Variants in NGFR observed in about 807,000 individuals in gnomAD.
The protein encoded by NGFR is tumor necrosis factor receptor superfamily member 16.
Under a neutral mutation model 43.2 loss-of-function variants are expected in NGFR, and 30 were observed. That is an observed-to-expected ratio of 0.69 (90% confidence interval 0.52 to 0.94). The LOEUF (loss-of-function observed/expected upper bound fraction) is 0.94, where lower values mean the gene tolerates loss of function less well. NGFR is among the 40% of genes least tolerant of loss of function. The pLI is 0.00. For missense variants in NGFR, 529 were observed against 602.5 expected (o/e 0.88, Z 1.28); for synonymous variants, 246 against 259.6 (o/e 0.95, Z 0.50).
At position 49,495,413 on chromosome 17, in the gene NGFR, G is replaced by T; in HGVS notation, c.-5G>T. The T allele has an allele frequency of 8.1e-7, 1 of 1,234,668 alleles. No homozygotes were observed. The allele number at this position is 1,234,668 out of a possible 1,614,324, so 76.5% of individuals were successfully genotyped here. A position where few individuals can be genotyped will look rare whatever the true frequency, so the allele number is the denominator to read the frequency against. The stretch of plus-strand genomic sequence containing the variant: ...GAAGTCGAGCGCTGCCGCGGGAGGC[G>T]GGCGATGGGGGCAGGTGCCACCGGC... On this transcript the variant is annotated 5_prime_UTR_variant, in exon 1 of 6. Transcript: ENST00000172229. The surrounding 1 kb of genome is among the most constrained non-coding windows in gnomAD (Gnocchi z 6.4).
At chr17:49,504,829 T>G (rs545981631) in intron 2 of NGFR, among the ~76,000 whole-genome samples, 4 of 145,180 alleles carry the variant, frequency 2.8e-5, no homozygotes, top group Non-Finnish European at 6.0e-5. Flanking sequence ...TGGAGTGCAC[T>G]GGTGCAGTCT....
At chr17:49,504,916 CG>C (rs1241566982) in intron 2 of NGFR, among the ~76,000 whole-genome samples, 1 of 151,876 alleles carries the variant, frequency 6.6e-6, no homozygotes, top group Non-Finnish European at 1.5e-5. Flanking sequence ...GGATTACAGA[CG>C]TGCACCACTA....
chr17:49,502,000 A>ACGCC, intron 1 of NGFR, 63 bp from the exon 2 acceptor site: 1 of 264,886 alleles, frequency 3.8e-6, no homozygotes, highest in Non-Finnish European at 7.9e-6. Flanking sequence ...CCCCGGAAGA[A>ACGCC]CCCCCCCCAA....
At chr17:49,502,039 A>G in intron 1 of NGFR, 24 bp from the exon 2 acceptor site, 1 of 946,734 alleles carries the variant, frequency 1.1e-6, no homozygotes, top group East Asian at 7.6e-5. Flanking sequence ...TGCCAGTCTG[A>G]CCCTCCGATC....
Position 49,506,675 on chromosome 17 carries a change from G to C in NGFR, c.568+17G>C. On this transcript the variant is annotated intron_variant, in intron 3 of 5. Transcript: ENST00000172229. Reference sequence around the variant, plus strand: ...AGTGCGAGGGTGAGTGCGGTTCGGGGGGCGGGGGGAGTGGGGGTGCGGGGG... The same window carrying C: ...AGTGCGAGGGTGAGTGCGGTTCGGGCGGCGGGGGGAGTGGGGGTGCGGGGG... 1 of 1,401,966 alleles carries C rather than the reference G, an allele frequency of 7.1e-7. No homozygotes were observed. The highest frequency in any genetic ancestry group is 9.3e-7 in the Non-Finnish European group (1 of 1,069,534). 86.8% of individuals were successfully genotyped at this position (1,401,966 alleles called of 1,614,324 possible).
At chr17:49,502,256 A>T (rs912943263) in intron 2 of NGFR, 52 bp downstream of exon 2, 1 of 1,524,444 alleles carries the variant, frequency 6.6e-7, no homozygotes, top group African/African-American at 1.4e-5. Context: ...GAGGGAGGAG[A>T]GGGGTGAAAG....
intron 1 of NGFR, among the ~76,000 whole-genome samples, chr17:49,499,572 T>C (rs1317589122): frequency 6.6e-6 from 1 of 152,004 alleles, no homozygotes; most frequent in Non-Finnish European, 1.5e-5. Context: ...ATATTTTTTA[T>C]TATTTTTATT....
In NGFR at chr17:49,495,330, G is replaced by A. The variant is rs534686344; in HGVS notation, c.-88G>A. 4.6e-6 allele frequency: 5 copies of A among 1,078,950 alleles called. No individual in the cohort carries two copies. Among genetic ancestry groups the A allele is most frequent in the Admixed American group, 4.3e-5 (1 of 23,136 alleles). The allele number at this position is 1,078,950 out of a possible 1,614,324, so 66.8% of individuals were successfully genotyped here. A position where few individuals can be genotyped will look rare whatever the true frequency, so the allele number is the denominator to read the frequency against. ...GCCGCGGCCAGCTCCGGCGGGCAGG[G>A]GGGGCGCTGGAGCGCAGCGCAGCGC... is the stretch of plus-strand genomic sequence containing the variant. On this transcript the variant is annotated 5_prime_UTR_variant, in exon 1 of 6. Transcript: ENST00000172229. The surrounding 1 kb of genome is among the most constrained non-coding windows in gnomAD (Gnocchi z 6.4).
Position 49,506,585 on chromosome 17 carries a change from G to A in NGFR, c.495G>A (p.Leu165=). 1 of 1,610,218 alleles carries A rather than the reference G, an allele frequency of 6.2e-7. No individual in the cohort carries two copies. The highest frequency in any genetic ancestry group is 8.5e-7 in the Non-Finnish European group (1 of 1,178,992). ...AGGCCAACCACGTGGACCCGTGCCT[G>A]CCCTGCACCGTGTGCGAGGACACCG... The part of the protein sequence containing the change: ...SDEANHVDPC[L]PCTVCEDTER... The change falls in exon 3 of 6, where the codon CTG becomes CTA. Residue 165 remains leucine (L), a synonymous_variant. Transcript: ENST00000172229.
intron 3 of NGFR, 42 bp downstream of exon 3, chr17:49,506,700 G>GGT: frequency 2.1e-6 from 1 of 485,202 alleles, no homozygotes; most frequent in Non-Finnish European, 3.2e-6. Context: ...GGGTGCGGGG[G>GGT]TGGGCTGGGG....
At position 49,513,164 on chromosome 17, in the gene NGFR, A is replaced by G. The variant is rs2071246615; in HGVS notation, c.*155A>G. 1.3e-6 allele frequency: 1 copy of G among 746,070 alleles called. No individual in the cohort carries two copies. Among genetic ancestry groups the G allele is most frequent in the Non-Finnish European group, 2.1e-6 (1 of 475,594 alleles). 46.2% of individuals were successfully genotyped at this position (746,070 alleles called of 1,614,324 possible). On this transcript the variant is annotated 3_prime_UTR_variant, in exon 6 of 6. Coordinates refer to ENST00000172229, the MANE Select transcript of NGFR (RefSeq NM_002507.4). ...CTCAGAGTCCAGGCCCCAAAACCAC[A>G]GCCCTGTCAGTGCAGCCCGTGTGGC...
intron 2 of NGFR, chr17:49,505,550 A>C (rs2071191558): frequency 6.6e-6 from 1 of 152,284 alleles, no homozygotes; most frequent in African/African-American, 2.4e-5. Context: ...CCTGGCCGAA[A>C]GGGCAGACGA....
intron 1 of NGFR, 63 bp from the exon 2 acceptor site, chr17:49,502,000 A>ACCCCCCCCCCCACCCC: frequency 3.8e-6 from 1 of 264,886 alleles, no homozygotes; most frequent in East Asian, 8.6e-5. Flanking sequence ...CCCCGGAAGA[A>ACCCCCCCCCCCACCCC]CCCCCCCCAA....
chr17:49,503,209 C>T (rs140485983), intron 2 of NGFR, among the ~76,000 whole-genome samples: 2 of 151,802 alleles, frequency 1.3e-5, no homozygotes, highest in South Asian at 2.1e-4. Context: ...CGTGAGCCAC[C>T]GTGCTCGACC....
Position 49,512,164 on chromosome 17 carries a change from G to T in NGFR, c.982+112G>T. The T allele has an allele frequency of 2.2e-6, 3 of 1,339,832 alleles. No individual in the cohort carries two copies. The highest frequency in any genetic ancestry group is 4.7e-5 in the Admixed American group (2 of 42,538). 83.0% of individuals were successfully genotyped at this position (1,339,832 alleles called of 1,614,324 possible). A position where few individuals can be genotyped will look rare whatever the true frequency, so the allele number is the denominator to read the frequency against. On this transcript the variant is annotated intron_variant, in intron 5 of 5. Transcript: ENST00000172229. This position sits in a 1 kb window ranked among gnomAD's most constrained non-coding sequence, Gnocchi z 5.2. ...GGGGGGGCGGCAGGGCTGGCTCAGC[G>T]GTGCCCCTGTAGATGGATGGAGAGG... is the stretch of plus-strand genomic sequence containing the variant.
chr17:49,506,087 C>A, intron 2 of NGFR: 1 of 931,690 alleles, frequency 1.1e-6, no homozygotes, highest in Non-Finnish European at 1.5e-6. Flanking sequence ...CTGGAGGATG[C>A]GGCTCCGGGC....
At position 49,513,155 on chromosome 17, in the gene NGFR, C is replaced by A; in HGVS notation, c.*146C>A. On this transcript the variant is annotated 3_prime_UTR_variant, in exon 6 of 6. Transcript: ENST00000172229. ...GGGCAGGACCTCAGAGTCCAGGCCC[C>A]AAAACCACAGCCCTGTCAGTGCAGC... 1.2e-6 allele frequency: 1 copy of A among 832,112 alleles called. No homozygotes were observed. Among genetic ancestry groups the A allele is most frequent in the Non-Finnish European group, 1.8e-6 (1 of 553,170 alleles). 51.5% of individuals were successfully genotyped at this position (832,112 alleles called of 1,614,324 possible).
Position 49,495,709 on chromosome 17 carries a change from T to G in NGFR, c.66+226T>G. 15 of 361,748 alleles carry G rather than the reference T, an allele frequency of 4.1e-5. No homozygotes were observed. Among genetic ancestry groups the G allele is most frequent in the Non-Finnish European group, 4.8e-5 (10 of 209,136 alleles). The allele number at this position is 361,748 out of a possible 1,614,324, so 22.4% of individuals were successfully genotyped here. On this transcript the variant is annotated intron_variant, in intron 1 of 5. Transcript: ENST00000172229. This position sits in a 1 kb window ranked among gnomAD's most constrained non-coding sequence, Gnocchi z 6.4. ...GATGAGGGCAAGACCGGAGCACGGA[T>G]GCCGGTCCTCAGGTACCGCAGGGGG...
chr17:49,495,341 A>G lies in NGFR; in HGVS notation c.-77A>G. The G allele has an allele frequency of 9.3e-7, 1 of 1,074,830 alleles. No homozygotes were observed. 66.6% of individuals were successfully genotyped at this position (1,074,830 alleles called of 1,614,324 possible). ...CTCCGGCGGGCAGGGGGGGCGCTGGAGCGCAGCGCAGCGCAGCCCCATCAG... is the reference window on the plus strand; with the variant it reads ...CTCCGGCGGGCAGGGGGGGCGCTGGGGCGCAGCGCAGCGCAGCCCCATCAG... On this transcript the variant is annotated 5_prime_UTR_variant, in exon 1 of 6. Transcript: ENST00000172229. This position sits in a 1 kb window ranked among gnomAD's most constrained non-coding sequence, Gnocchi z 6.4.
Sources: allele counts gnomAD v4.1 joint callset (sites outside exome capture counted in the v4.1 genomes callset), GRCh38; gene constraint gnomAD v4.1.1; non-coding constraint Gnocchi (gnomAD v3.1); transcripts MANE v1.5; gene names NCBI Gene and HGNC (gene_info 2026-07-23, HGNC 2026-07-21).